The following INVS variants were observed in gnomAD, a reference collection of about 807,000 sequenced individuals.
INVS encodes inversion of embryo turning homolog.
A neutral mutation model predicts 108.8 loss-of-function variants in INVS; 86 were observed. The ratio of observed to expected loss-of-function variants is 0.79; its 90% CI spans 0.66 to 0.95. The LOEUF (loss-of-function observed/expected upper bound fraction) is 0.95. INVS is among the 40% of genes least tolerant of loss of function. The pLI, the probability that INVS is intolerant of heterozygous loss-of-function variation, is 0.00. For synonymous variants in INVS, 455 were observed against 473.5 expected, an observed-to-expected ratio of 0.96 and a Z score of 0.51; for missense variants, 1,169 against 1,297.4, an observed-to-expected ratio of 0.90 and a Z score of 1.52.
chr9:100,215,006 A>G (rs531031347), intron 3 of INVS: 37 of 152,216 alleles, frequency 2.4e-4, no homozygotes, highest in African/African-American at 6.7e-4. Context: ...CTTTTCTCCA[A>G]TCATCCCCTA....
chr9:100,273,229 A>C (rs976970867), intron 12 of INVS, among the ~76,000 whole-genome samples, 153 bp downstream of exon 12: 4 of 151,840 alleles, frequency 2.6e-5, no homozygotes, highest in African/African-American at 9.7e-5. Flanking sequence ...TCTTCTCAGC[A>C]CTCCGTCTTC....
chr9:100,292,702 G>A lies in INVS; in HGVS notation c.2445G>A (p.Arg815=). ...GTTCTAGCCGCCCTGGCAGTGCCCG[G>A]GGGGAGGCGGTCCATGCTGGGCAGA... ...PAGSSRPGSA[R]GEAVHAGQNP... is the part of the protein sequence containing the mutation. Residue 815 remains arginine (R), a synonymous_variant, in exon 14 of 17, where the codon CGG becomes CGA. Coordinates refer to ENST00000262457, the MANE Select transcript of INVS (RefSeq NM_014425.5). 6.2e-7 allele frequency: 1 copy of A among 1,614,148 alleles called. No individual in the cohort carries two copies.
chr9:100,260,253 A>G (rs1032702119), intron 10 of INVS, among the ~76,000 whole-genome samples: 4 of 136,556 alleles, frequency 2.9e-5, no homozygotes, highest in East Asian at 4.3e-4. Flanking sequence ...GCAGTGGCAC[A>G]ACCTCGGCTT....
At chr9:100,102,630 G>A (rs1432517336) in intron 1 of INVS, 1 of 152,160 alleles carries the variant, frequency 6.6e-6, no homozygotes, top group Admixed American at 6.6e-5. Context: ...GCTTAACTCA[G>A]GAGTTTCAGG....
chr9:100,100,654 AATATATATATTATATATGTACATATAAT>A (rs1564111258), intron 1 of INVS, among the ~76,000 whole-genome samples: 754 of 39,726 alleles, frequency 0.019, 14 homozygotes, highest in Non-Finnish European at 0.025. Flanking sequence ...ATGTATATAT[AATATATATATTATATATGTACATATAAT>A]ATATATATTA....
chr9:100,137,062 G>A (rs1828251085), intron 3 of INVS, among the ~76,000 whole-genome samples: 1 of 152,100 alleles, frequency 6.6e-6, no homozygotes, highest in South Asian at 2.1e-4. Context: ...CAGACAGTTG[G>A]AAAGTTTAGA....
At chr9:100,248,235 C>T (rs1315059863) in intron 8 of INVS, among the ~76,000 whole-genome samples, 2 of 152,120 alleles carry the variant, frequency 1.3e-5, no homozygotes, top group Non-Finnish European at 2.9e-5. Flanking sequence ...CACTTTATCA[C>T]TAGCTTTGAT....
chr9:100,200,253 T>C (rs1048297618), intron 3 of INVS, among the ~76,000 whole-genome samples: 9 of 152,240 alleles, frequency 5.9e-5, no homozygotes, highest in Non-Finnish European at 1.2e-4. Flanking sequence ...AAATTCCTTG[T>C]GTGCTAATTC....
Position 100,293,030 on chromosome 9 carries a change from C to A in INVS, c.2773C>A (p.Arg925Ser), listed in dbSNP as rs1420616086. The A allele has an allele frequency of 6.2e-7, 1 of 1,613,678 alleles. No individual in the cohort carries two copies. Among genetic ancestry groups the A allele is most frequent in the Non-Finnish European group, 8.5e-7 (1 of 1,179,974 alleles). Residue 925 changes from arginine (R) to serine (S), a missense_variant, in exon 14 of 17, where the codon CGC (arginine) becomes AGC (serine). By Grantham distance (110) the Arg-to-Ser change is moderately radical. This residue lies in a region of INVS where 533 missense variants were observed against 536.0 expected (regional missense o/e 0.99). Coordinates refer to ENST00000262457, the MANE Select transcript of INVS (RefSeq NM_014425.5). ...GAACAAGGCAGCAGCAGTCATCCAG[C>A]GCGCCTGGCGAAGGTAGGAAAATGG... is the stretch of plus-strand genomic sequence containing the variant. ...KKNKAAAVIQRAWRSYQLRKH... is the reference protein window; with the variant it reads ...KKNKAAAVIQSAWRSYQLRKH...
chr9:100,277,634 A>G (rs1049454035), intron 12 of INVS, among the ~76,000 whole-genome samples: 2 of 152,176 alleles, frequency 1.3e-5, no homozygotes, highest in African/African-American at 4.8e-5. Context: ...AGTCACACAC[A>G]AAAAGACAAA....
intron 5 of INVS, among the ~76,000 whole-genome samples, chr9:100,233,332 C>A (rs1043372994): frequency 6.6e-6 from 1 of 152,178 alleles, no homozygotes; most frequent in South Asian, 2.1e-4. Flanking sequence ...GACAATTTGA[C>A]TTCCTCTCTT....
At chr9:100,121,359 G>C (rs1412135744) in intron 2 of INVS, among the ~76,000 whole-genome samples, 1 of 152,126 alleles carries the variant, frequency 6.6e-6, no homozygotes, top group Non-Finnish European at 1.5e-5. Context: ...GGGATCATAC[G>C]GGGCATGTAT....
At chr9:100,188,904 T>C (rs2118141105) in intron 3 of INVS, among the ~76,000 whole-genome samples, 1 of 152,100 alleles carries the variant, frequency 6.6e-6, no homozygotes. Flanking sequence ...GGATTTCTGT[T>C]TCTTCCTAAT....
chr9:100,192,248 A>AGTGTGTGT (rs58132596), intron 3 of INVS, among the ~76,000 whole-genome samples: 11,356 of 144,894 alleles, frequency 0.078, 739 homozygotes, highest in African/African-American at 0.19. Flanking sequence ...GGGAAAAAAG[A>AGTGTGTGT]GTGTGTGTGT....
At chr9:100,230,389 C>T (rs1831469690) in intron 5 of INVS, among the ~76,000 whole-genome samples, 1 of 152,126 alleles carries the variant, frequency 6.6e-6, no homozygotes, top group Admixed American at 6.6e-5. Flanking sequence ...TATCCTTAAA[C>T]AATATATTGC....
chr9:100,259,197 C>T (rs371540996), intron 10 of INVS, among the ~76,000 whole-genome samples: 18 of 152,302 alleles, frequency 1.2e-4, no homozygotes, highest in Admixed American at 3.3e-4. Flanking sequence ...AGTGAGTCTC[C>T]GTGGGCGTGG....
At position 100,300,854 on chromosome 9, in the gene INVS, A is replaced by G; in HGVS notation, c.*180A>G. 1 of 638,300 alleles carries G rather than the reference A, an allele frequency of 1.6e-6. No homozygotes were observed. 39.5% of individuals were successfully genotyped at this position (638,300 alleles called of 1,614,324 possible). A position where few individuals can be genotyped will look rare whatever the true frequency, so the allele number is the denominator to read the frequency against. On this transcript the variant is annotated 3_prime_UTR_variant, in exon 17 of 17. Transcript: ENST00000262457. ...GAATGTTTCCTTTCTGCTCTTACAC[A>G]GCATTGTTTTGTCAATCAACACAGC...
intron 13 of INVS, among the ~76,000 whole-genome samples, chr9:100,290,880 G>GT (rs930758892): frequency 2.0e-5 from 3 of 151,894 alleles, no homozygotes; most frequent in South Asian, 4.2e-4. Flanking sequence ...CTGGATAATT[G>GT]TTTTTTTGTT....
chr9:100,266,957 C>G lies in INVS; in HGVS notation c.1571+2029C>G, dbSNP rs74638203. 5.1e-3 allele frequency among the ~76,000 whole-genome samples: 757 copies of G among 149,456 alleles called. 6 individuals are homozygous for G. The highest frequency in any genetic ancestry group is 0.018 in the African/African-American group (710 of 40,522). Reference sequence around the variant, plus strand: ...CTGTTTTCTAGAACCAACCCCTTTACCACTTCTTTCAGAAACTTCCCTCAT... The same window carrying G: ...CTGTTTTCTAGAACCAACCCCTTTAGCACTTCTTTCAGAAACTTCCCTCAT... On this transcript the variant is annotated intron_variant, in intron 11 of 16. Transcript: ENST00000262457.
Sources: gnomAD v4.1 joint callset for allele counts (sites outside exome capture counted in the v4.1 genomes callset) on GRCh38, gnomAD v4.1.1 for gene constraint, gnomAD v4.1.1 regional missense constraint, MANE v1.5 for transcripts, NCBI Gene and HGNC (gene_info 2026-07-23, HGNC 2026-07-21) for gene names.